The following ZPBP variants were observed in gnomAD, a reference collection of about 807,000 sequenced individuals.
The protein encoded by ZPBP is zona pellucida binding protein.
A neutral mutation model predicts 44.8 loss-of-function variants in ZPBP; 26 were observed. The observed-to-expected ratio is 0.58, with a 90% CI of 0.43 to 0.81. The LOEUF (loss-of-function observed/expected upper bound fraction) is 0.81, where lower values mean the gene tolerates loss of function less well. Ranked by LOEUF, ZPBP falls within the 30% of genes least tolerant of loss-of-function variation. ZPBP has a pLI of 0.00. For missense variants in ZPBP, 409 were observed against 434.0 expected (o/e 0.94, Z 0.51); for synonymous variants, 174 against 153.2 (o/e 1.14, Z -1.00).
chr7:50,078,166 C>T (rs1331104372), intron 3 of ZPBP, among the ~76,000 whole-genome samples: 1 of 151,632 alleles, frequency 6.6e-6, no homozygotes, highest in African/African-American at 2.4e-5. Flanking sequence ...CATGTTCTCA[C>T]TTGTCTGTAG....
At chr7:50,086,999 T>C (rs982472583) in intron 2 of ZPBP, among the ~76,000 whole-genome samples, 4 of 152,004 alleles carry the variant, frequency 2.6e-5, no homozygotes, top group Non-Finnish European at 5.9e-5. Flanking sequence ...TCATAAAAAG[T>C]CATAATGAAA....
intron 2 of ZPBP, among the ~76,000 whole-genome samples, chr7:49,852,931 G>A (rs1205128624): frequency 6.6e-6 from 1 of 152,234 alleles, no homozygotes; most frequent in Non-Finnish European, 1.5e-5. Flanking sequence ...AAGAATGAGT[G>A]TGGAGAAGTT....
chr7:49,939,639 G>A (rs1297799192), intron 7 of ZPBP, among the ~76,000 whole-genome samples: 3 of 151,930 alleles, frequency 2.0e-5, no homozygotes, highest in African/African-American at 7.2e-5. Flanking sequence ...AAAGGAAAAT[G>A]CACTAACCAT....
intron 3 of ZPBP, among the ~76,000 whole-genome samples, chr7:50,069,475 A>G (rs1650951903): frequency 6.6e-6 from 1 of 152,188 alleles, no homozygotes; most frequent in South Asian, 2.1e-4. Flanking sequence ...GAGTCAATAC[A>G]AAGACTAGGT....
chr7:50,052,013 C>A (rs1243056432), intron 4 of ZPBP, among the ~76,000 whole-genome samples: 1 of 151,560 alleles, frequency 6.6e-6, no homozygotes, highest in Non-Finnish European at 1.5e-5. Flanking sequence ...AGAAAAAAAA[C>A]AGACTATCTT....
At chr7:50,008,228 A>C (rs1410201896) in intron 6 of ZPBP, among the ~76,000 whole-genome samples, 1 of 152,014 alleles carries the variant, frequency 6.6e-6, no homozygotes, top group Non-Finnish European at 1.5e-5. Context: ...CTATACATTA[A>C]AAACAAACTA....
chr7:50,032,846 A>G (rs1248596847), intron 4 of ZPBP, among the ~76,000 whole-genome samples: 2 of 152,200 alleles, frequency 1.3e-5, no homozygotes, highest in Non-Finnish European at 2.9e-5. Flanking sequence ...ATCCTAAAGT[A>G]TCTTCAAGAT....
intron 2 of ZPBP, among the ~76,000 whole-genome samples, chr7:49,889,926 G>A (rs550296783): frequency 6.6e-6 from 1 of 152,250 alleles, no homozygotes; most frequent in African/African-American, 2.4e-5. Flanking sequence ...ACAAATATAT[G>A]TTTTGCAAAA....
intron 1 of ZPBP, chr7:49,917,668 A>C (rs1023474738): frequency 6.6e-6 from 1 of 152,148 alleles, no homozygotes; most frequent in Non-Finnish European, 1.5e-5. Flanking sequence ...AGCAAGTAGA[A>C]ATATTTCTCA....
chr7:49,912,600 CCCT>C (rs1281132903), intron 1 of ZPBP: 3 of 156,300 alleles, frequency 1.9e-5, no homozygotes, highest in Admixed American at 1.9e-4. Context: ...GGAATGTTCC[CCCT>C]GCACATTTTC....
At chr7:49,940,667 G>A (rs1794837090) in intron 7 of ZPBP, 2 of 660,176 alleles carry the variant, frequency 3.0e-6, no homozygotes, top group Admixed American at 1.3e-4. Context: ...AAAAAAAAAA[G>A]CTGTGTTTGA....
rs148289999 is a variant in ZPBP, at chr7:50,028,425, A to G, written c.706+2667T>C. Among the ~76,000 whole-genome samples, 56 of 152,172 alleles carry G rather than the reference A, an allele frequency of 3.7e-4. No individual in the cohort carries two copies. The East Asian group carries it at 6.7e-3, about 18-fold the overall frequency. ...CTTTCCTCCTAAGATCAAGAACAAG[A>G]CTAAGATGCCAATTGTGCCACTTCT... On this transcript the variant is annotated intron_variant, in intron 5 of 7. Transcript: ENST00000046087.
At chr7:49,885,120 A>G (rs185810682) in intron 2 of ZPBP, among the ~76,000 whole-genome samples, 1 of 152,118 alleles carries the variant, frequency 6.6e-6, no homozygotes, top group African/African-American at 2.4e-5. Context: ...GGGTTCACTA[A>G]AAGTATCTCT....
chr7:49,922,178 C>A (rs1006382756), intron 1 of ZPBP, among the ~76,000 whole-genome samples: 2 of 152,106 alleles, frequency 1.3e-5, no homozygotes, highest in African/African-American at 4.8e-5. Flanking sequence ...CCTGAAGTAG[C>A]ATCTATAATA....
chr7:49,978,683 A>G (rs1008543238), intron 7 of ZPBP, among the ~76,000 whole-genome samples: 1 of 152,122 alleles, frequency 6.6e-6, no homozygotes, highest in Non-Finnish European at 1.5e-5. Context: ...TTTATCTAGT[A>G]GTCAGTTTCA....
At chr7:50,084,092 T>A (rs1235598680) in intron 2 of ZPBP, among the ~76,000 whole-genome samples, 1 of 151,890 alleles carries the variant, frequency 6.6e-6, no homozygotes, top group Non-Finnish European at 1.5e-5. Flanking sequence ...GAAAAAGAAC[T>A]CCTTTGAAAA....
chr7:49,998,032 C>T (rs549977622), intron 6 of ZPBP, among the ~76,000 whole-genome samples: 1 of 152,290 alleles, frequency 6.6e-6, no homozygotes, highest in Non-Finnish European at 1.5e-5. Flanking sequence ...ATTCTCCTGC[C>T]TCAGCCTCCC....
At chr7:49,969,333 T>C (rs1336368368) in intron 7 of ZPBP, among the ~76,000 whole-genome samples, 1 of 150,860 alleles carries the variant, frequency 6.6e-6, no homozygotes, top group Admixed American at 6.6e-5. Context: ...TACCTGAATG[T>C]AATGATCCAT....
intron 1 of ZPBP, among the ~76,000 whole-genome samples, chr7:49,910,297 T>C (rs1227282282): frequency 6.6e-6 from 1 of 152,222 alleles, no homozygotes; most frequent in Non-Finnish European, 1.5e-5. Flanking sequence ...CCAGTTGTTA[T>C]TCTGGAGTTT....
Sources: gnomAD v4.1 joint callset for allele counts (sites outside exome capture counted in the v4.1 genomes callset) on GRCh38, gnomAD v4.1.1 for gene constraint, MANE v1.5 for transcripts, NCBI Gene and HGNC (gene_info 2026-07-23, HGNC 2026-07-21) for gene names.